SSBP2: variants seen among roughly 807,000 people sequenced by gnomAD.
SSBP2 encodes single stranded DNA binding protein 2, also known as single-stranded DNA-binding protein 2.
In SSBP2, 17 loss-of-function variants were observed where a neutral mutation model predicts 61.8. The ratio of observed to expected loss-of-function variants is 0.28; its 90% CI spans 0.19 to 0.41. The LOEUF (loss-of-function observed/expected upper bound fraction) is 0.41. Ranked by LOEUF, SSBP2 falls within the 10% of genes least tolerant of loss-of-function variation. The pLI is 1.00. For missense variants in SSBP2, 310 were observed against 458.7 expected (o/e 0.68, Z 2.96); for synonymous variants, 139 against 141.3 (o/e 0.98, Z 0.12).
At chr5:81,550,157 C>A (rs75070507) in intron 4 of SSBP2, among the ~76,000 whole-genome samples, 2 of 152,276 alleles carry the variant, frequency 1.3e-5, no homozygotes, top group African/African-American at 2.4e-5. Context: ...TGTACACGAA[C>A]GTTAATAGTA....
Position 81,615,493 on chromosome 5 carries a change from C to A in SSBP2, c.262G>T (p.Ala88Ser). 6.2e-7 allele frequency: 1 copy of A among 1,613,586 alleles called. No homozygotes were observed. Among genetic ancestry groups the A allele is most frequent in the Non-Finnish European group, 8.5e-7 (1 of 1,179,678 alleles). ...CTTACGTAATCATGGAAGGCTTTTG[C>A]TTCACTTGAGTGTTCACATGTTTCA... Residue 88 changes from alanine (A) to serine (S), a missense_variant, in exon 4 of 17, where the codon GCA becomes TCA. Physicochemically the swap from Ala to Ser is moderately conservative, Grantham distance 99. This residue lies in a region of SSBP2 where 209 missense variants were observed against 286.4 expected (regional missense o/e 0.73). Coordinates refer to ENST00000320672, the MANE Select transcript of SSBP2 (RefSeq NM_012446.5).
At chr5:81,436,888 G>A (rs959537717) in intron 15 of SSBP2, among the ~76,000 whole-genome samples, 2 of 152,046 alleles carry the variant, frequency 1.3e-5, no homozygotes, top group Non-Finnish European at 2.9e-5. Flanking sequence ...CTAATGGAAG[G>A]CTCACTTTCC....
intron 1 of SSBP2, among the ~76,000 whole-genome samples, chr5:81,686,482 G>A (rs1265395067): frequency 1.3e-5 from 2 of 151,976 alleles, no homozygotes; most frequent in African/African-American, 4.8e-5. Flanking sequence ...TTATTCTGAG[G>A]TTATAGTTTC....
At chr5:81,700,334 T>A (rs1443348948) in intron 1 of SSBP2, among the ~76,000 whole-genome samples, 1 of 152,206 alleles carries the variant, frequency 6.6e-6, no homozygotes, top group Non-Finnish European at 1.5e-5. Context: ...TCCTGAGCAG[T>A]AGGTCTCAAC....
chr5:81,570,029 T>A (rs561820553), intron 4 of SSBP2, among the ~76,000 whole-genome samples: 8 of 152,054 alleles, frequency 5.3e-5, no homozygotes, highest in Non-Finnish European at 8.8e-5. Context: ...AAAAAAGACA[T>A]CCCATGAATG....
At chr5:81,517,901 GA>G (rs1288189778) in intron 4 of SSBP2, among the ~76,000 whole-genome samples, 10 of 151,796 alleles carry the variant, frequency 6.6e-5, no homozygotes, top group African/African-American at 1.2e-4. Context: ...CTCTGGTAGG[GA>G]AAAAAAGTTG....
intron 1 of SSBP2, among the ~76,000 whole-genome samples, chr5:81,723,851 C>T (rs533351429): frequency 6.6e-6 from 1 of 151,988 alleles, no homozygotes; most frequent in Non-Finnish European, 1.5e-5. Flanking sequence ...TCTGTTCCTA[C>T]CTATTCATTT....
At chr5:81,696,150 C>A (rs75052926) in intron 1 of SSBP2, among the ~76,000 whole-genome samples, 2,616 of 152,268 alleles carry the variant, frequency 0.017, 51 homozygotes, top group East Asian at 0.055. Flanking sequence ...CGGTTAAACA[C>A]TCCGCTCTAG....
rs1222524536 is a variant in SSBP2, at chr5:81,413,379, T to C, written c.*7125A>G. The C allele has an allele frequency of 6.6e-6, 1 of 152,218 alleles. No homozygotes were observed. Among genetic ancestry groups the C allele is most frequent in the Non-Finnish European group, 1.5e-5 (1 of 68,026 alleles). The allele number at this position is 152,218 out of a possible 1,614,324, so 9.4% of individuals were successfully genotyped here. On this transcript the variant is annotated 3_prime_UTR_variant, in exon 17 of 17. Transcript: ENST00000320672. ...CTGGTGGCCATCGTTGAATTAAGAA[T>C]AGTAGATTACTAAGAGTCATCCCAG...
At chr5:81,469,410 A>G (rs1392948622) in intron 8 of SSBP2, among the ~76,000 whole-genome samples, 1 of 151,908 alleles carries the variant, frequency 6.6e-6, no homozygotes, top group African/African-American at 2.4e-5. Context: ...TTAATAAGAA[A>G]CCAACTTAAA....
At chr5:81,690,352 C>T (rs1327574191) in intron 1 of SSBP2, among the ~76,000 whole-genome samples, 1 of 152,010 alleles carries the variant, frequency 6.6e-6, no homozygotes. Flanking sequence ...CTGTTGCGTA[C>T]AATAAACACA....
chr5:81,646,968 ACT>A (rs1388229470), intron 2 of SSBP2, among the ~76,000 whole-genome samples: 2 of 152,058 alleles, frequency 1.3e-5, no homozygotes, highest in Non-Finnish European at 2.9e-5. Context: ...GCAGCTAGAT[ACT>A]GTAGAACATA....
chr5:81,630,515 GA>G (rs1235594135), intron 3 of SSBP2, among the ~76,000 whole-genome samples: 1 of 151,938 alleles, frequency 6.6e-6, no homozygotes. Context: ...AGCTTTAGGG[GA>G]AAAAATATAA....
At chr5:81,553,312 C>T (rs1158037396) in intron 4 of SSBP2, among the ~76,000 whole-genome samples, 1 of 152,074 alleles carries the variant, frequency 6.6e-6, no homozygotes, top group African/African-American at 2.4e-5. Flanking sequence ...ATTACAAAGG[C>T]TGAGAGATCA....
intron 12 of SSBP2, among the ~76,000 whole-genome samples, chr5:81,445,160 A>C (rs1580702746): frequency 1.0e-5 from 1 of 96,216 alleles, no homozygotes; most frequent in Non-Finnish European, 2.2e-5. Context: ...ATATATATAT[A>C]TATATATATA....
chr5:81,506,146 TTTTTTTAGTTGC>T (rs1768164663), intron 5 of SSBP2, among the ~76,000 whole-genome samples: 1 of 152,210 alleles, frequency 6.6e-6, no homozygotes, highest in South Asian at 2.1e-4. Flanking sequence ...GGCACCTTTG[TTTTTTTAGTTGC>T]TTTTATCTTT....
intron 2 of SSBP2, among the ~76,000 whole-genome samples, chr5:81,641,408 G>C (rs1158677257): frequency 6.6e-6 from 1 of 152,076 alleles, no homozygotes; most frequent in Non-Finnish European, 1.5e-5. Context: ...TTACTACATA[G>C]TATTCATCCT....
At chr5:81,730,157 A>G (rs1756159700) in intron 1 of SSBP2, among the ~76,000 whole-genome samples, 1 of 152,230 alleles carries the variant, frequency 6.6e-6, no homozygotes, top group Non-Finnish European at 1.5e-5. Context: ...ATAAATCACA[A>G]GTACTTTTTA....
intron 1 of SSBP2, among the ~76,000 whole-genome samples, chr5:81,750,432 C>T (rs1016214142): frequency 1.9e-3 from 278 of 145,326 alleles, no homozygotes; most frequent in African/African-American, 6.6e-3. Flanking sequence ...GCGCGCCCGG[C>T]ACCGCCGCCC....
Sources: allele counts gnomAD v4.1 joint callset (sites outside exome capture counted in the v4.1 genomes callset), GRCh38; gene constraint gnomAD v4.1.1; regional missense constraint gnomAD v4.1.1; transcripts MANE v1.5; gene names NCBI Gene and HGNC (gene_info 2026-07-23, HGNC 2026-07-21).